ROS1: variants seen among roughly 807,000 people sequenced by gnomAD.
ROS1 encodes the protein ROS proto-oncogene 1, receptor tyrosine kinase.
ROS1 carries 263 observed loss-of-function variants against 273.5 expected under a neutral mutation model. The observed-to-expected ratio is 0.96, with a 90% confidence interval of 0.87 to 1.06. The LOEUF is 1.06. ROS1 is among the 50% of genes least tolerant of loss of function. ROS1 has a pLI of 0.00. For missense variants in ROS1, 2,833 were observed against 2,751.1 expected, an observed-to-expected ratio of 1.03 and a Z score of -0.67; for synonymous variants, 1,008 against 954.1, an observed-to-expected ratio of 1.06 and a Z score of -1.04.
Position 117,329,417 on chromosome 6 carries a change from T to C in ROS1, c.5260A>G (p.Lys1754Glu). 1 of 1,596,596 alleles carries C rather than the reference T, an allele frequency of 6.3e-7. No individual in the cohort carries two copies. Among genetic ancestry groups the C allele is most frequent in the Non-Finnish European group, 8.6e-7 (1 of 1,165,306 alleles). ...AGVPNKPGIP[K>E]LLEGSKNSIQ... ...GAATTTTTACTCCCTTCTAGTAATT[T>C]GGGAATGCCTGGTTTATTTGGGACT... is the stretch of plus-strand genomic sequence containing the variant. The change falls in exon 33 of 44, where the codon AAA (lysine) becomes GAA (glutamate). Residue 1754 changes from lysine (K) to glutamate (E), a missense_variant. Physicochemically the swap from Lys to Glu is moderately conservative, Grantham distance 56. Transcript: ENST00000368507.
chr6:117,398,323 T>G (rs1773663252), intron 7 of ROS1, among the ~76,000 whole-genome samples: 1 of 152,102 alleles, frequency 6.6e-6, no homozygotes, highest in African/African-American at 2.4e-5. Flanking sequence ...TGGTATCCCT[T>G]GTCTGACAAT....
At chr6:117,338,690 C>G (rs1894674) in intron 31 of ROS1, among the ~76,000 whole-genome samples, 14,994 of 152,130 alleles carry the variant, frequency 0.099, 884 homozygotes, top group Middle Eastern at 0.14. Flanking sequence ...TTTGACCAAG[C>G]TTACCGCTGG....
Position 117,342,517 on chromosome 6 carries a change from C to T in ROS1, c.4534G>A (p.Glu1512Lys), listed in dbSNP as rs866401304. Reference protein sequence around the residue: ...LEFQDSIALIEDLQPFSTYMI... With the variant: ...LEFQDSIALIKDLQPFSTYMI... ...TATGTTGAAAATGGTTGTAAATCTT[C>T]AATAAGAGCTATACTGTCCTGAAAT... is the stretch of plus-strand genomic sequence containing the variant. The change falls in exon 29 of 44, where the codon GAA (glutamate) becomes AAA (lysine). Residue 1512 changes from glutamate (E) to lysine (K), a missense_variant. Glu to Lys is a moderately conservative substitution (Grantham distance 56). Coordinates refer to ENST00000368507, the MANE Select transcript of ROS1 (RefSeq NM_001378902.1). 6.3e-7 allele frequency: 1 copy of T among 1,593,454 alleles called. No individual in the cohort carries two copies. Among genetic ancestry groups the T allele is most frequent in the Non-Finnish European group, 8.6e-7 (1 of 1,163,782 alleles).
At position 117,336,665 on chromosome 6, in the gene ROS1, T is replaced by C. The variant is rs1328575698; in HGVS notation, c.5230+507A>G. ...TGCATGTATCTTTGTAATAGAATGA[T>C]TTATATTCCTTTGGGTATGTAACTA... On this transcript the variant is annotated intron_variant, in intron 32 of 43. Transcript: ENST00000368507. 2.6e-5 allele frequency among the ~76,000 whole-genome samples: 4 copies of C among 152,286 alleles called. No individual in the cohort carries two copies. The East Asian group carries it at 7.7e-4, about 29-fold the overall frequency.
rs760855335 is a variant in ROS1, at chr6:117,319,897, C to T, written c.5893G>A (p.Gly1965Arg). Residue 1965 changes from glycine to arginine, a missense_variant, in exon 37 of 44, where the codon GGA (glycine) becomes AGA (arginine). By Grantham distance (125) the Gly-to-Arg change is moderately radical (BLOSUM62 -2). Transcript: ENST00000368507. ...EGTAVDILGV[G>R]SGEIKVAVKT... ...ACTGCTACTTTGATTTCTCCACTTC[C>T]AACTCCTAAGATGTCCACTGCTGTT... The T allele has an allele frequency of 1.5e-5, 25 of 1,613,136 alleles. No homozygotes were observed. In the African/African-American group the frequency reaches 3.1e-4, roughly 20 times the overall value.
rs1774653399 is a variant in ROS1, at chr6:117,408,877, T to C, written c.316+705A>G. 3.3e-5 allele frequency among the ~76,000 whole-genome samples: 5 copies of C among 152,230 alleles called. No homozygotes were observed. In the South Asian group the frequency reaches 1.0e-3, roughly 32 times the overall value. ...GGCACACATACACCATGGAATACTG[T>C]GCAGCCATAAAAAATGATGAGTTCC... On this transcript the variant is annotated intron_variant, in intron 5 of 43. Coordinates refer to ENST00000368507, the MANE Select transcript of ROS1 (RefSeq NM_001378902.1).
At chr6:117,307,363 G>T (rs1214703155) in intron 42 of ROS1, among the ~76,000 whole-genome samples, 1 of 152,088 alleles carries the variant, frequency 6.6e-6, no homozygotes, top group Non-Finnish European at 1.5e-5. Context: ...ACAGCACAAG[G>T]AAAATTTTGT....
Position 117,356,746 on chromosome 6 carries a change from T to C in ROS1, c.4009A>G (p.Ile1337Val). ...TEFELSGAMA[I>V]DTSNLEKPLI... ...GGTTTCTCTAGGTTAGAGGTATCAA[T>C]AGCCATTGCTCCACTTAACTCAAAT... is the stretch of plus-strand genomic sequence containing the variant. The change falls in exon 26 of 44, where the codon ATT becomes GTT. Residue 1337 changes from isoleucine (I) to valine (V), a missense_variant. By Grantham distance (29) the Ile-to-Val change is conservative (BLOSUM62 3). Transcript: ENST00000368507. 2 of 1,614,172 alleles carry C rather than the reference T, an allele frequency of 1.2e-6. No homozygotes were observed. Among genetic ancestry groups the C allele is most frequent in the Non-Finnish European group, 1.7e-6 (2 of 1,180,002 alleles).
At chr6:117,344,294 TCTATA>T (rs1778196570) in intron 27 of ROS1, 32 bp from the exon 28 acceptor site, 14 of 1,498,336 alleles carry the variant, frequency 9.3e-6, no homozygotes, top group Non-Finnish European at 1.1e-5. Flanking sequence ...AGATTAAATA[TCTATA>T]CTATATATAT....
At chr6:117,409,254 G>T (rs538198638) in intron 5 of ROS1, among the ~76,000 whole-genome samples, 4 of 151,886 alleles carry the variant, frequency 2.6e-5, no homozygotes, top group Admixed American at 6.6e-5. Flanking sequence ...AAAAAAACTG[G>T]CATTCTCTGA....
rs79251914 is a variant in ROS1, at chr6:117,419,476, G to A, written c.124-970C>T. 5.6e-3 allele frequency among the ~76,000 whole-genome samples: 850 copies of A among 152,164 alleles called. 7 individuals carry two copies. Among genetic ancestry groups the A allele is most frequent in the African/African-American group, 0.02 (816 of 41,504 alleles). On this transcript the variant is annotated intron_variant, in intron 1 of 43. Coordinates refer to ENST00000368507, the MANE Select transcript of ROS1 (RefSeq NM_001378902.1). Reference sequence around the variant, plus strand: ...TCCTTTAAACTCCGTTCCCTAACCGGTTATATTTGTAGGAAAAGAAGAAGG... The same window carrying A: ...TCCTTTAAACTCCGTTCCCTAACCGATTATATTTGTAGGAAAAGAAGAAGG...
Position 117,410,339 on chromosome 6 carries a change from G to A in ROS1, c.256-697C>T, listed in dbSNP as rs548544476. Among the ~76,000 whole-genome samples the A allele has an allele frequency of 1.1e-4, 17 of 152,246 alleles. No individual in the cohort carries two copies. In the South Asian group the frequency reaches 3.5e-3, roughly 32 times the overall value. On this transcript the variant is annotated intron_variant, in intron 4 of 43. Coordinates refer to ENST00000368507, the MANE Select transcript of ROS1 (RefSeq NM_001378902.1). ...AAACTTTAGAGTAAAATGATGCTTA[G>A]GGATTACCTATTTATTTTATATATC...
intron 5 of ROS1, among the ~76,000 whole-genome samples, chr6:117,406,947 T>C (rs572244399): frequency 5.3e-5 from 8 of 152,302 alleles, no homozygotes; most frequent in African/African-American, 9.6e-5. Flanking sequence ...TGTGTTTACC[T>C]TGAGTGTCTA....
In ROS1 at chr6:117,394,244, A is replaced by C. The variant is rs1238577631; in HGVS notation, c.1109T>G (p.Ile370Ser). The change falls in exon 11 of 44, where the codon ATT becomes AGT. Residue 370 changes from isoleucine (I) to serine (S), a missense_variant. Physicochemically the swap from Ile to Ser is moderately radical, Grantham distance 142. Transcript: ENST00000368507. ...ANMSDVSDLR[I>S]FYRGSGLISS... is the part of the protein sequence containing the mutation. ...AATTAATCCTGAACCTCTGTAAAAA[A>C]TTCTCAGGTCAGATACATCAGACAT... The C allele has an allele frequency of 1.2e-6, 2 of 1,610,980 alleles. No homozygotes were observed. Among genetic ancestry groups the C allele is most frequent in the Non-Finnish European group, 8.5e-7 (1 of 1,178,896 alleles).
chr6:117,324,242 G>T, intron 35 of ROS1, 90 bp downstream of exon 35: 2 of 697,018 alleles, frequency 2.9e-6, no homozygotes, highest in South Asian at 1.7e-5. Flanking sequence ...AATATTTCAT[G>T]TGGGAGATTA....
At chr6:117,292,489 C>T (rs533859023) in intron 43 of ROS1, among the ~76,000 whole-genome samples, 1 of 152,280 alleles carries the variant, frequency 6.6e-6, no homozygotes, top group South Asian at 2.1e-4. Context: ...TCTGGCTGCT[C>T]CTCCCCATGT....
chr6:117,383,556 A>C (rs1772328979), intron 16 of ROS1, 48 bp from the exon 17 acceptor site: 1 of 1,332,696 alleles, frequency 7.5e-7, no homozygotes, highest in East Asian at 2.3e-5. Flanking sequence ...AAGTGACATT[A>C]TTATTTCTGA....
rs1189136700 is a variant in ROS1 at position 117,301,226 on chromosome 6, TC to T, written c.6552-90del. 3.6e-6 allele frequency: 4 copies of T among 1,124,466 alleles called. No homozygotes were observed. The African/African-American group carries it at 6.5e-5, about 18-fold the overall frequency. 69.7% of individuals were successfully genotyped at this position (1,124,466 alleles called of 1,614,324 possible). On this transcript the variant is annotated intron_variant, in intron 42 of 43. Coordinates refer to ENST00000368507, the MANE Select transcript of ROS1 (RefSeq NM_001378902.1). ...TAGGGTCATTTTAGAAAGGAAAGAATCTGAGTTATTGCCAGTTTTCCTTAAT... is the reference window on the plus strand; with the variant it reads ...TAGGGTCATTTTAGAAAGGAAAGAATTGAGTTATTGCCAGTTTTCCTTAAT...
At chr6:117,322,493 T>A (rs917085371) in intron 35 of ROS1, among the ~76,000 whole-genome samples, 9 of 152,182 alleles carry the variant, frequency 5.9e-5, no homozygotes, top group African/African-American at 1.9e-4. Context: ...CACACAGGCA[T>A]GTCTTAACTC....
Sources: gnomAD v4.1 joint callset for allele counts (sites outside exome capture counted in the v4.1 genomes callset) on GRCh38, gnomAD v4.1.1 for gene constraint, MANE v1.5 for transcripts, NCBI Gene and HGNC (gene_info 2026-07-23, HGNC 2026-07-21) for gene names.